The following USF3 variants were observed in gnomAD, a reference collection of about 807,000 sequenced individuals.
USF3 encodes the protein basic helix-loop-helix domain-containing protein USF3.
USF3 carries 29 observed loss-of-function variants against 157.5 expected under a neutral mutation model. The observed-to-expected ratio is 0.18, with a 90% CI of 0.14 to 0.25. USF3 has a LOEUF of 0.25. Ranked by LOEUF, USF3 falls within the 10% of genes least tolerant of loss-of-function variation. USF3 has a pLI of 1.00. For synonymous variants in USF3, 893 were observed against 941.4 expected (o/e 0.95, Z 0.94); for missense variants, 2,381 against 2,667.6 (o/e 0.89, Z 2.37).
chr3:113,659,823 T>C lies in USF3; in HGVS notation c.1859A>G (p.Gln620Arg). Residue 620 changes from glutamine (Q) to arginine (R), a missense_variant, in exon 7 of 7, where the codon CAA (glutamine) becomes CGA (arginine). Gln to Arg is a conservative substitution (Grantham distance 43). Transcript: ENST00000316407. ...AAAAGTCTGTGGTGTTGGAACATTT[T>C]GCACTGAATTATTAGACCCTATTAC... ...NTVIGSNNSV[Q>R]NVPTPQTFGG... is the part of the protein sequence containing the mutation. 6.2e-7 allele frequency: 1 copy of C among 1,614,240 alleles called. No homozygotes were observed. The highest frequency in any genetic ancestry group is 8.5e-7 in the Non-Finnish European group (1 of 1,180,022).
In USF3 at chr3:113,695,430, AAT is replaced by A. The variant is rs1234124258; in HGVS notation, c.-135+938_-135+939del. On this transcript the variant is annotated intron_variant, in intron 1 of 6. Transcript: ENST00000316407. ...TTCTTTACAAAAGAGCAAACCTGGG[AAT>A]ATGTTTCAGGATCCATGTAACTCAC... is the stretch of plus-strand genomic sequence containing the variant. Among the ~76,000 whole-genome samples the A allele has an allele frequency of 2.0e-5, 3 of 152,218 alleles. No homozygotes were observed. The East Asian group carries it at 5.8e-4, about 29-fold the overall frequency.
Position 113,656,306 on chromosome 3 carries a change from T to C in USF3, c.5376A>G (p.Leu1792=). 1.2e-6 allele frequency: 2 copies of C among 1,614,206 alleles called. No homozygotes were observed. Among genetic ancestry groups the C allele is most frequent in the Non-Finnish European group, 1.7e-6 (2 of 1,180,032 alleles). The change falls in exon 7 of 7, where the codon TTA becomes TTG. Residue 1792 remains leucine, a synonymous_variant. Transcript: ENST00000316407. ...GGATGCTCTGAACTGGTGGGTAAGA[T>C]AATCTCTTTTGACGGTCAATTGGTG... is the stretch of plus-strand genomic sequence containing the variant. The part of the protein sequence containing the change: ...GPPPIDRQKR[L]SYPPVQSIPT...
chr3:113,692,692 A>C (rs1460542226), intron 1 of USF3, among the ~76,000 whole-genome samples: 1 of 152,200 alleles, frequency 6.6e-6, no homozygotes. Context: ...GTAAATAATA[A>C]ATACTTGGTG....
chr3:113,673,375 T>G lies in USF3; in HGVS notation c.49A>C (p.Lys17Gln), dbSNP rs773039227. The change falls in exon 4 of 7, where the codon AAG (lysine) becomes CAG (glutamine). Residue 17 changes from lysine to glutamine, a missense_variant and splice_region_variant. Physicochemically the swap from Lys to Gln is moderately conservative, Grantham distance 53. Coordinates refer to ENST00000316407, the MANE Select transcript of USF3 (RefSeq NM_001009899.4). ...NETPTKKQHR[K>Q]KNRETHNAVE... Reference sequence around the variant, plus strand: ...GCATTGTGTGTCTCCCGGTTTTTCTTTCTGAAACAAAAAGTACAGATAAAA... The same window carrying G: ...GCATTGTGTGTCTCCCGGTTTTTCTGTCTGAAACAAAAAGTACAGATAAAA... 1 of 1,595,820 alleles carries G rather than the reference T, an allele frequency of 6.3e-7. No homozygotes were observed. The highest frequency in any genetic ancestry group is 2.2e-5 in the East Asian group (1 of 44,566).
rs1947463783 is a variant in USF3 at position 113,660,511 on chromosome 3, C to T, written c.1171G>A (p.Gly391Arg). The T allele has an allele frequency of 1.2e-6, 2 of 1,614,008 alleles. No homozygotes were observed. The highest frequency in any genetic ancestry group is 4.5e-5 in the East Asian group (2 of 44,892). Residue 391 changes from glycine to arginine, a missense_variant, in exon 7 of 7, where the codon GGA becomes AGA. Gly to Arg is a moderately radical substitution (Grantham distance 125, BLOSUM62 -2). This residue lies in a region of USF3 where 1,435 missense variants were observed against 1,550.9 expected (regional missense o/e 0.93). Coordinates refer to ENST00000316407, the MANE Select transcript of USF3 (RefSeq NM_001009899.4). ...GTCCAACCATTGTCCAAAGGGTTTC[C>T]CGAAAGAGTGCTTATAGGAATGGTG... ...KATIPISTLS[G>R]NPLDNGWTLS...
Position 113,650,110 on chromosome 3 carries a change from G to T in USF3, c.*4834C>A. 1 of 508,912 alleles carries T rather than the reference G, an allele frequency of 2.0e-6. No homozygotes were observed. Among genetic ancestry groups the T allele is most frequent in the South Asian group, 2.6e-5 (1 of 38,000 alleles). The allele number at this position is 508,912 out of a possible 1,614,324, so 31.5% of individuals were successfully genotyped here. A position where few individuals can be genotyped will look rare whatever the true frequency, so the allele number is the denominator to read the frequency against. On this transcript the variant is annotated 3_prime_UTR_variant, in exon 7 of 7. Transcript: ENST00000316407. Reference sequence around the variant, plus strand: ...ACAGGCGCACTACCTCCAGGCAAAGGTAGCATTTATATAGACAACAAAATT... The same window carrying T: ...ACAGGCGCACTACCTCCAGGCAAAGTTAGCATTTATATAGACAACAAAATT...
chr3:113,660,298 C>G lies in USF3; in HGVS notation c.1384G>C (p.Gly462Arg). The G allele has an allele frequency of 1.9e-6, 3 of 1,614,148 alleles. No individual in the cohort carries two copies. The highest frequency in any genetic ancestry group is 2.5e-6 in the Non-Finnish European group (3 of 1,180,010). The change falls in exon 7 of 7, where the codon GGT becomes CGT. Residue 462 changes from glycine to arginine, a missense_variant. Transcript: ENST00000316407. ...SAVTPVLNES[G>R]TSPTTSNHSR... is the part of the protein sequence containing the mutation. ...TGGTTGCTTGTGGTGGGGCTAGTAC[C>G]AGACTCATTTAATACTGGAGTCACA...
rs375212225 is a variant in USF3, at chr3:113,693,860, GA to G, written c.-135+2509del. Among the ~76,000 whole-genome samples, 78 of 152,338 alleles carry G rather than the reference GA, an allele frequency of 5.1e-4. 1 individual carries two copies. In the South Asian group the frequency reaches 0.016, roughly 31 times the overall value. On this transcript the variant is annotated intron_variant, in intron 1 of 6. Coordinates refer to ENST00000316407, the MANE Select transcript of USF3 (RefSeq NM_001009899.4). ...TAGAGGAAAGGTGTCCATATCCTGA[GA>G]AAGGTCAACGTCAACGTCTGTAGCA...
chr3:113,657,825 G>A lies in USF3; in HGVS notation c.3857C>T (p.Pro1286Leu). The change falls in exon 7 of 7, where the codon CCT becomes CTT. Residue 1286 changes from proline (P) to leucine (L), a missense_variant. Physicochemically the swap from Pro to Leu is moderately conservative, Grantham distance 98 (BLOSUM62 -3). This residue lies in a region of USF3 where 1,435 missense variants were observed against 1,550.9 expected (regional missense o/e 0.93). Transcript: ENST00000316407. ...TVSSSSYGSQ[P>L]PGPSLMTEYS... ...TTCAGTCATCAGAGATGGTCCAGGAGGTTGACTGCCATAGGAGCTAGATGA... is the reference window on the plus strand; with the variant it reads ...TTCAGTCATCAGAGATGGTCCAGGAAGTTGACTGCCATAGGAGCTAGATGA... 2 of 1,614,166 alleles carry A rather than the reference G, an allele frequency of 1.2e-6. No individual in the cohort carries two copies. The highest frequency in any genetic ancestry group is 1.7e-6 in the Non-Finnish European group (2 of 1,180,040).
chr3:113,673,308 T>A (rs1466122889), intron 4 of USF3, 40 bp downstream of exon 4: 1 of 1,449,922 alleles, frequency 6.9e-7, no homozygotes, highest in African/African-American at 1.4e-5. Flanking sequence ...TCATTTTGAA[T>A]GCAAAAAATG....
Position 113,658,359 on chromosome 3 carries a change from G to C in USF3, c.3323C>G (p.Thr1108Arg). 6.2e-7 allele frequency: 1 copy of C among 1,614,138 alleles called. No homozygotes were observed. The highest frequency in any genetic ancestry group is 8.5e-7 in the Non-Finnish European group (1 of 1,180,016). Reference sequence around the variant, plus strand: ...TGCATTGCTGGTCACATCTTCTCTTGTTGTTTCAGGAAGCATGGATGCAAC... The same window carrying C: ...TGCATTGCTGGTCACATCTTCTCTTCTTGTTTCAGGAAGCATGGATGCAAC... ...FSVASMLPET[T>R]REDVTSNATT... The change falls in exon 7 of 7, where the codon ACA (threonine) becomes AGA (arginine). Residue 1108 changes from threonine (T) to arginine (R), a missense_variant. Around this residue, in one of 6 missense-constraint regions of USF3, gnomAD observed 1,435 missense variants for 1,550.9 expected, o/e 0.93. Coordinates refer to ENST00000316407, the MANE Select transcript of USF3 (RefSeq NM_001009899.4).
At chr3:113,677,439 TG>T (rs1035708992) in intron 1 of USF3, 42 bp from the exon 2 acceptor site, 2 of 152,198 alleles carry the variant, frequency 1.3e-5, no homozygotes, top group African/African-American at 4.8e-5. Context: ...AGTTGCTAGG[TG>T]TCCATTAGCA....
At chr3:113,675,529 T>C (rs1293039317) in intron 2 of USF3, among the ~76,000 whole-genome samples, 2 of 152,180 alleles carry the variant, frequency 1.3e-5, no homozygotes, top group African/African-American at 2.4e-5. Flanking sequence ...GGAAAATATA[T>C]ACATATATGG....
At chr3:113,681,429 G>A (rs1465725050) in intron 1 of USF3, among the ~76,000 whole-genome samples, 1 of 151,952 alleles carries the variant, frequency 6.6e-6, no homozygotes, top group Non-Finnish European at 1.5e-5. Flanking sequence ...TAGTCACTCA[G>A]GAGCATATTG....
chr3:113,687,919 T>C (rs1707594920), intron 1 of USF3, among the ~76,000 whole-genome samples: 1 of 152,216 alleles, frequency 6.6e-6, no homozygotes, highest in South Asian at 2.1e-4. Flanking sequence ...ATAGCTAAAT[T>C]TATACAAATG....
At chr3:113,682,574 C>A (rs1167095436) in intron 1 of USF3, among the ~76,000 whole-genome samples, 2 of 152,106 alleles carry the variant, frequency 1.3e-5, no homozygotes, top group Non-Finnish European at 2.9e-5. Context: ...AAGTCTCCAA[C>A]TATTATTGTA....
At chr3:113,663,329 G>A (rs1200764634) in intron 6 of USF3, among the ~76,000 whole-genome samples, 2 of 152,118 alleles carry the variant, frequency 1.3e-5, no homozygotes, top group Non-Finnish European at 2.9e-5. Context: ...CATTAGAAAA[G>A]TCTACTCATC....
intron 1 of USF3, among the ~76,000 whole-genome samples, chr3:113,684,659 T>C (rs564435315): frequency 6.6e-5 from 10 of 152,302 alleles, no homozygotes; most frequent in Admixed American, 1.3e-4. Flanking sequence ...AGTTTGTCTA[T>C]TGAATTTTTC....
At chr3:113,661,502 C>G in intron 6 of USF3, 77 bp from the exon 7 acceptor site, 1 of 780,012 alleles carries the variant, frequency 1.3e-6, no homozygotes, top group Non-Finnish European at 2.0e-6. Context: ...GAACTGTATA[C>G]TAAACTACTG....
Sources: gnomAD v4.1 joint callset for allele counts (sites outside exome capture counted in the v4.1 genomes callset) on GRCh38, gnomAD v4.1.1 for gene constraint, gnomAD v4.1.1 regional missense constraint, MANE v1.5 for transcripts, NCBI Gene and HGNC (gene_info 2026-07-23, HGNC 2026-07-21) for gene names.